SATB1: variants seen among roughly 807,000 people sequenced by gnomAD.
The protein encoded by SATB1 is DNA-binding protein SATB1.
A neutral mutation model predicts 86.9 loss-of-function variants in SATB1; 11 were observed. That is an observed-to-expected ratio of 0.13 (90% CI 0.08 to 0.21). SATB1 has a LOEUF of 0.21. Ranked by LOEUF, SATB1 falls within the 10% of genes least tolerant of loss-of-function variation. The probability of loss-of-function intolerance (pLI) is 1.00; values close to 1 mark genes in which losing one functional copy is unlikely to be tolerated. For synonymous variants in SATB1, 357 were observed against 357.2 expected (o/e 1.00, Z 0.01); for missense variants, 551 against 937.6 (o/e 0.59, Z 5.39).
In SATB1 at chr3:18,365,873, C is replaced by T. The variant is rs574560002; in HGVS notation, c.1575+12297G>A. On this transcript the variant is annotated intron_variant, in intron 9 of 10. Coordinates refer to ENST00000338745, the MANE Select transcript of SATB1 (RefSeq NM_002971.6). Reference sequence around the variant, plus strand: ...ATTAGGCTATTACCCTTCCCCCAATCTCCAAACATAGAAGCAAAAATTAAT... The same window carrying T: ...ATTAGGCTATTACCCTTCCCCCAATTTCCAAACATAGAAGCAAAAATTAAT... Among the ~76,000 whole-genome samples the T allele has an allele frequency of 5.9e-5, 9 of 152,196 alleles. 1 individual carries two copies. The South Asian group carries it at 1.9e-3, about 32-fold the overall frequency.
Position 18,394,929 on chromosome 3 carries a change from A to T in SATB1, c.752-13T>A. 1.3e-6 allele frequency: 2 copies of T among 1,546,840 alleles called. No homozygotes were observed. The highest frequency in any genetic ancestry group is 1.2e-5 in the South Asian group (1 of 83,880). On this transcript the variant is annotated splice_polypyrimidine_tract_variant and intron_variant, in intron 6 of 10. Coordinates refer to ENST00000338745, the MANE Select transcript of SATB1 (RefSeq NM_002971.6). The surrounding 1 kb of genome is among the most constrained non-coding windows in gnomAD (Gnocchi z 5.9). ...CTATCCATTTCAACTAAAGTGGACA[A>T]AGAGTAAAATCACATTCAGCCAACA...
At chr3:18,442,572 C>T (rs1699269503), upstream of SATB1, among the ~76,000 whole-genome samples, 1 of 152,110 alleles carries the variant, frequency 6.6e-6, no homozygotes, top group Non-Finnish European at 1.5e-5. Flanking sequence ...ATATAGTATA[C>T]ACATTGTCTA....
intron 5 of SATB1, among the ~76,000 whole-genome samples, 160 bp from the exon 6 acceptor site, chr3:18,397,450 T>G (rs1390238389): frequency 6.6e-6 from 1 of 152,154 alleles, no homozygotes; most frequent in African/African-American, 2.4e-5. Flanking sequence ...TAATATTCAT[T>G]AAGTAGATCA....
chr3:18,434,946 T>C (rs571350253), intron 2 of SATB1: 1 of 152,282 alleles, frequency 6.6e-6, no homozygotes, highest in African/African-American at 2.4e-5. Context: ...TCATGCATAA[T>C]TGATTATCCA....
chr3:18,352,252 C>A lies in SATB1; in HGVS notation c.1576-57G>T. 3 of 1,477,794 alleles carry A rather than the reference C, an allele frequency of 2.0e-6. No homozygotes were observed. Among genetic ancestry groups the A allele is most frequent in the Non-Finnish European group, 1.9e-6 (2 of 1,061,802 alleles). 91.5% of individuals were successfully genotyped at this position (1,477,794 alleles called of 1,614,324 possible). A position where few individuals can be genotyped will look rare whatever the true frequency, so the allele number is the denominator to read the frequency against. On this transcript the variant is annotated intron_variant, in intron 9 of 10. Coordinates refer to ENST00000338745, the MANE Select transcript of SATB1 (RefSeq NM_002971.6). The surrounding 1 kb of genome is among the most constrained non-coding windows in gnomAD (Gnocchi z 4.1). The stretch of plus-strand genomic sequence containing the variant: ...TGCCTATGAGAGGGGCTGGCATTTT[C>A]CATTAGGAGCTAAAAAGGAAAAACC...
chr3:18,372,787 A>G lies in SATB1; in HGVS notation c.1575+5383T>C, dbSNP rs865874347. ...GGCATTCAACTAGAAATATAAAAAT[A>G]TATCAACGTTTTAGAAAATTGAATC... On this transcript the variant is annotated intron_variant, in intron 9 of 10. Coordinates refer to ENST00000338745, the MANE Select transcript of SATB1 (RefSeq NM_002971.6). Among the ~76,000 whole-genome samples, 5 of 152,350 alleles carry G rather than the reference A, an allele frequency of 3.3e-5. No individual in the cohort carries two copies. In the South Asian group the frequency reaches 1.0e-3, roughly 32 times the overall value.
At chr3:18,417,202 A>G (rs1698162321) in intron 2 of SATB1, 124 bp from the exon 3 acceptor site, 1 of 930,078 alleles carries the variant, frequency 1.1e-6, no homozygotes, top group Non-Finnish European at 1.7e-6. Flanking sequence ...TGTGCTTCCA[A>G]GGCAGACTGG....
chr3:18,420,674 C>G, intron 2 of SATB1, 83 bp downstream of exon 2: 1 of 1,071,474 alleles, frequency 9.3e-7, no homozygotes, highest in Non-Finnish European at 1.4e-6. Flanking sequence ...AAAACATGTT[C>G]TGCCACTCCA....
upstream of SATB1, among the ~76,000 whole-genome samples, chr3:18,425,566 G>GA (rs1575178212): frequency 2.0e-5 from 3 of 151,062 alleles, no homozygotes; most frequent in African/African-American, 7.3e-5. Flanking sequence ...GGAATGGGGG[G>GA]AGCGCACGAT....
intron 2 of SATB1, among the ~76,000 whole-genome samples, chr3:18,418,348 G>T (rs1215056457): frequency 6.6e-6 from 1 of 152,060 alleles, no homozygotes; most frequent in African/African-American, 2.4e-5. Context: ...ACAAAAGCCG[G>T]CAATAAAACA....
chr3:18,415,225 T>C lies in SATB1; in HGVS notation c.525A>G (p.Lys175=). 1 of 1,612,840 alleles carries C rather than the reference T, an allele frequency of 6.2e-7. No homozygotes were observed. Among genetic ancestry groups the C allele is most frequent in the Non-Finnish European group, 8.5e-7 (1 of 1,179,132 alleles). ...ATTGTTCGGGAGGCAAGTCTTCTAG[T>C]TTGGGGCAACTATTTGAGACATAGA... ...TLKIQLHSCP[K]LEDLPPEQWS... Residue 175 remains lysine, a synonymous_variant, in exon 5 of 11, where the codon AAA becomes AAG. Coordinates refer to ENST00000338745, the MANE Select transcript of SATB1 (RefSeq NM_002971.6).
At chr3:18,425,655 C>T (rs899224918), upstream of SATB1, among the ~76,000 whole-genome samples, 1 of 151,732 alleles carries the variant, frequency 6.6e-6, no homozygotes, top group African/African-American at 2.4e-5. Context: ...ACACAATACC[C>T]AGAATAACAG....
intron 8 of SATB1, among the ~76,000 whole-genome samples, chr3:18,381,188 TA>T (rs1178069457): frequency 6.6e-6 from 1 of 152,154 alleles, no homozygotes; most frequent in Non-Finnish European, 1.5e-5. Flanking sequence ...ACATTTTCCA[TA>T]AAAACTCTAT....
chr3:18,405,608 A>G (rs9284844), intron 5 of SATB1, among the ~76,000 whole-genome samples: 129,526 of 151,902 alleles, frequency 0.85, 55,385 homozygotes, highest in East Asian at 0.94. Context: ...TAAAAATTGG[A>G]GGTAAAATAC....
upstream of SATB1, chr3:18,438,842 CG>C (rs1158885947): frequency 1.3e-5 from 2 of 152,548 alleles, no homozygotes; most frequent in Non-Finnish European, 1.5e-5. Context: ...GAAAGGGGTG[CG>C]GGGGGCGGGC....
In SATB1 at chr3:18,349,345, A is replaced by T. The variant is rs371165954; in HGVS notation, c.2117T>A (p.Leu706Gln). Residue 706 changes from leucine (L) to glutamine (Q), a missense_variant, in exon 11 of 11, where the codon CTG (leucine) becomes CAG (glutamine). Leu to Gln is a moderately radical substitution (Grantham distance 113). Around this residue, in one of 8 missense-constraint regions of SATB1, gnomAD observed 33 missense variants for 85.4 expected, o/e 0.39. Coordinates refer to ENST00000338745, the MANE Select transcript of SATB1 (RefSeq NM_002971.6). The surrounding 1 kb of genome is among the most constrained non-coding windows in gnomAD (Gnocchi z 5.5). ...QRYYLKHHGK[L>Q]KDNSGLEVDV... The stretch of plus-strand genomic sequence containing the variant: ...GACCTCTAAACCGGAATTGTCCTTC[A>T]GTTTGCCGTGGTGCTTGAGATAGTA... 2 of 1,613,986 alleles carry T rather than the reference A, an allele frequency of 1.2e-6. No individual in the cohort carries two copies. Among genetic ancestry groups the T allele is most frequent in the Non-Finnish European group, 1.7e-6 (2 of 1,180,036 alleles).
At chr3:18,374,476 C>G (rs776767055) in intron 9 of SATB1, among the ~76,000 whole-genome samples, 2 of 152,092 alleles carry the variant, frequency 1.3e-5, no homozygotes, top group African/African-American at 2.4e-5. Flanking sequence ...TATTTGAATA[C>G]CCAGAATATA....
chr3:18,363,698 G>C (rs750083677), intron 9 of SATB1, among the ~76,000 whole-genome samples: 16 of 152,114 alleles, frequency 1.1e-4, no homozygotes, highest in Non-Finnish European at 1.6e-4. Context: ...ATTTACTTCT[G>C]AATCATTCTA....
At chr3:18,354,855 T>G (rs1179443417) in intron 9 of SATB1, among the ~76,000 whole-genome samples, 1 of 152,140 alleles carries the variant, frequency 6.6e-6, no homozygotes, top group African/African-American at 2.4e-5. Flanking sequence ...CCCCGACTCA[T>G]TCAACAAATA....
Sources: allele counts gnomAD v4.1 joint callset (sites outside exome capture counted in the v4.1 genomes callset), GRCh38; gene constraint gnomAD v4.1.1; regional missense constraint gnomAD v4.1.1; non-coding constraint Gnocchi (gnomAD v3.1); transcripts MANE v1.5; gene names NCBI Gene and HGNC (gene_info 2026-07-23, HGNC 2026-07-21).